The following TLE2 variants were observed in gnomAD, a reference collection of about 807,000 sequenced individuals.
The protein encoded by TLE2 is TLE family member 2, transcriptional corepressor.
Under a neutral mutation model 97.2 loss-of-function variants are expected in TLE2, and 74 were observed. That is an observed-to-expected ratio of 0.76 (90% CI 0.63 to 0.92). The LOEUF is 0.92. Among genes scored for constraint, TLE2 ranks in the 40% least tolerant of loss-of-function variants. The pLI is 0.00. For synonymous variants in TLE2, 499 were observed against 432.1 expected (o/e 1.15, Z -1.92); for missense variants, 1,038 against 1,008.7 (o/e 1.03, Z -0.39).
At chr19:3,038,723 C>T (rs2090078831) in intron 1 of TLE2, among the ~76,000 whole-genome samples, 1 of 152,140 alleles carries the variant, frequency 6.6e-6, no homozygotes, top group Non-Finnish European at 1.5e-5. Flanking sequence ...GCCTGGCCAA[C>T]ATGGTGAAAC....
chr19:3,025,465 GGAGTCCCA>G, intron 4 of TLE2: 1 of 1,029,236 alleles, frequency 9.7e-7, no homozygotes, highest in Non-Finnish European at 1.2e-6. Flanking sequence ...GCCTCCGCCT[GGAGTCCCA>G]GATTCCAGCC....
upstream of TLE2, among the ~76,000 whole-genome samples, chr19:3,029,780 G>A (rs1352272780): frequency 1.3e-5 from 2 of 152,022 alleles, no homozygotes; most frequent in African/African-American, 4.8e-5. Flanking sequence ...AAAGGTCAGG[G>A]GTGGTGCGCT....
chr19:3,000,821 T>A, intron 18 of TLE2, 98 bp from the exon 19 acceptor site: 5 of 596,432 alleles, frequency 8.4e-6, no homozygotes, highest in South Asian at 2.1e-5. Context: ...GTCTGGCCTC[T>A]CCCTTTTTTT....
Position 2,997,772 on chromosome 19 carries a change from G to C in TLE2, c.*76C>G. 2 of 1,082,390 alleles carry C rather than the reference G, an allele frequency of 1.8e-6. No individual in the cohort carries two copies. Among genetic ancestry groups the C allele is most frequent in the Non-Finnish European group, 2.8e-6 (2 of 721,064 alleles). 67.0% of individuals were successfully genotyped at this position (1,082,390 alleles called of 1,614,324 possible). ...CGGTTCCTAGGCAGGGCTGGGAGGCGGCTGCTAGGATGTCTGTCCTGGCTG... is the reference window on the plus strand; with the variant it reads ...CGGTTCCTAGGCAGGGCTGGGAGGCCGCTGCTAGGATGTCTGTCCTGGCTG... On this transcript the variant is annotated 3_prime_UTR_variant, in exon 20 of 20. Transcript: ENST00000262953.
intron 1 of TLE2, among the ~76,000 whole-genome samples, chr19:3,039,409 C>T (rs1465955640): frequency 6.6e-6 from 1 of 152,062 alleles, no homozygotes; most frequent in Non-Finnish European, 1.5e-5. Flanking sequence ...CCACACAGGC[C>T]TTCTCCCTCT....
Position 3,019,191 on chromosome 19 carries a change from T to C in TLE2, c.550+92A>G. 1 of 1,483,820 alleles carries C rather than the reference T, an allele frequency of 6.7e-7. No individual in the cohort carries two copies. The highest frequency in any genetic ancestry group is 9.0e-7 in the Non-Finnish European group (1 of 1,110,574). 91.9% of individuals were successfully genotyped at this position (1,483,820 alleles called of 1,614,324 possible). A position where few individuals can be genotyped will look rare whatever the true frequency, so the allele number is the denominator to read the frequency against. ...GGGATTATAGGCATGAGCCACTTCA[T>C]CCCCTCACGCTGATGTTTGCTACCC... On this transcript the variant is annotated intron_variant, in intron 7 of 19. Transcript: ENST00000262953. The surrounding 1 kb of genome is among the most constrained non-coding windows in gnomAD (Gnocchi z 5.1).
At chr19:3,044,569 G>A (rs1448442114) in intron 1 of TLE2, among the ~76,000 whole-genome samples, 9 of 152,074 alleles carry the variant, frequency 5.9e-5, no homozygotes, top group African/African-American at 1.2e-4. Context: ...ACAGGTGTGC[G>A]CCACCACGCC....
At chr19:3,042,975 T>C (rs1296078695) in intron 1 of TLE2, among the ~76,000 whole-genome samples, 1 of 152,050 alleles carries the variant, frequency 6.6e-6, no homozygotes, top group Non-Finnish European at 1.5e-5. Flanking sequence ...CTTCTCTAGT[T>C]TTTAATTAAT....
At chr19:3,017,952 A>C in intron 7 of TLE2, 93 bp from the exon 8 acceptor site, 3 of 1,214,834 alleles carry the variant, frequency 2.5e-6, no homozygotes, top group Non-Finnish European at 3.5e-6. Context: ...CCAGTTTATA[A>C]AGCCCCCCGC....
rs191186259 is a variant in TLE2 at position 3,021,652 on chromosome 19, G to A, written c.295-1879C>T. 2.6e-5 allele frequency among the ~76,000 whole-genome samples: 4 copies of A among 151,912 alleles called. No individual in the cohort carries two copies. In the East Asian group the frequency reaches 7.8e-4, roughly 30 times the overall value. On this transcript the variant is annotated intron_variant, in intron 5 of 19. Coordinates refer to ENST00000262953, the MANE Select transcript of TLE2 (RefSeq NM_003260.5). ...GGCTGGAGTGCAATGGCATGCTCTT[G>A]GCTCACTGCAACCTCCGCCTCCCAG...
chr19:3,025,025 G>A lies in TLE2; in HGVS notation c.289C>T (p.Gln97Ter). Residue 97 changes from glutamine (Q) to a stop codon, truncating the protein, a stop_gained, in exon 5 of 20, where the codon CAG (glutamine) becomes TAG (stop). Coordinates refer to ENST00000262953, the MANE Select transcript of TLE2 (RefSeq NM_003260.5). LOFTEE classifies it high-confidence loss of function. Reference sequence around the variant, plus strand: ...CCACCCCCAGGCCCACTCACCTCCTGGGTCAGGAAGGGGATAATCTGAGCG... The same window carrying A: ...CCACCCCCAGGCCCACTCACCTCCTAGGTCAGGAAGGGGATAATCTGAGCG... ...ICAQIIPFLT[Q>*]EHQQQVLQAV... The A allele has an allele frequency of 6.3e-7, 1 of 1,597,194 alleles. No individual in the cohort carries two copies. The highest frequency in any genetic ancestry group is 8.5e-7 in the Non-Finnish European group (1 of 1,172,316).
intron 4 of TLE2, among the ~76,000 whole-genome samples, chr19:3,026,664 A>G (rs886684962): frequency 1.3e-5 from 2 of 150,862 alleles, no homozygotes; most frequent in African/African-American, 4.9e-5. Context: ...CCTGAGGTCT[A>G]TCTCTGAACC....
rs1438246200 is a variant in TLE2 at position 2,997,946 on chromosome 19, A to C, written c.2134T>G (p.Ser712Ala). 1 of 1,610,536 alleles carries C rather than the reference A, an allele frequency of 6.2e-7. No individual in the cohort carries two copies. The highest frequency in any genetic ancestry group is 8.5e-7 in the Non-Finnish European group (1 of 1,178,242). Residue 712 changes from serine (S) to alanine (A), a missense_variant, in exon 20 of 20, where the codon TCG (serine) becomes GCG (alanine). Coordinates refer to ENST00000262953, the MANE Select transcript of TLE2 (RefSeq NM_003260.5). The part of the protein sequence containing the change: ...YGASIFQSKE[S>A]SSVLSCDISR... Reference sequence around the variant, plus strand: ...ATGTCACAACTCAGGACTGAGGACGACTCCTTGGACTGCCAAGGGAAGGGA... The same window carrying C: ...ATGTCACAACTCAGGACTGAGGACGCCTCCTTGGACTGCCAAGGGAAGGGA...
chr19:3,005,330 G>A (rs899483684), intron 17 of TLE2, 107 bp downstream of exon 17: 3 of 1,403,030 alleles, frequency 2.1e-6, no homozygotes, highest in Admixed American at 4.9e-5. Context: ...CACAGCAGAT[G>A]GGAGTCCTGT....
At chr19:3,046,211 G>A (rs2090139929), upstream of TLE2, among the ~76,000 whole-genome samples, 1 of 152,222 alleles carries the variant, frequency 6.6e-6, no homozygotes, top group African/African-American at 2.4e-5. Flanking sequence ...ACCATGGGAA[G>A]AGAGCGGGAT....
chr19:3,042,060 A>C (rs1289390392), intron 1 of TLE2, among the ~76,000 whole-genome samples: 1 of 151,438 alleles, frequency 6.6e-6, no homozygotes, highest in African/African-American at 2.4e-5. Context: ...GGGCAGGCCC[A>C]GCAGGGGAGT....
In TLE2 at chr19:3,015,777, G is replaced by C; in HGVS notation, c.571-17C>G. On this transcript the variant is annotated splice_polypyrimidine_tract_variant and intron_variant, in intron 8 of 19. Transcript: ENST00000262953. ...AGATGCACTCTGCGGAGAGACAAAG[G>C]CCGGGGGGAGAAAGGGTCAGGGCCC... The C allele has an allele frequency of 1.3e-6, 2 of 1,577,008 alleles. No homozygotes were observed. The highest frequency in any genetic ancestry group is 1.7e-6 in the Non-Finnish European group (2 of 1,158,374).
At chr19:3,046,847 C>G (rs896486751), upstream of TLE2, among the ~76,000 whole-genome samples, 1 of 151,210 alleles carries the variant, frequency 6.6e-6, no homozygotes, top group Non-Finnish European at 1.5e-5. Context: ...CCACCCCAGT[C>G]CTCTCTGCTC....
chr19:3,038,636 G>C (rs976368520), intron 1 of TLE2, among the ~76,000 whole-genome samples: 3 of 152,210 alleles, frequency 2.0e-5, no homozygotes, highest in African/African-American at 7.2e-5. Context: ...GGCTGGGCGT[G>C]GTGGCTCACG....
Sources: allele counts gnomAD v4.1 joint callset (sites outside exome capture counted in the v4.1 genomes callset), GRCh38; gene constraint gnomAD v4.1.1; non-coding constraint Gnocchi (gnomAD v3.1); transcripts MANE v1.5; gene names NCBI Gene and HGNC (gene_info 2026-07-23, HGNC 2026-07-21).